The following GALNT13 variants were observed in gnomAD, a reference collection of about 807,000 sequenced individuals.
GALNT13 encodes the protein polypeptide N-acetylgalactosaminyltransferase 13.
A neutral mutation model predicts 64.2 loss-of-function variants in GALNT13; 28 were observed. That is an observed-to-expected ratio of 0.44 (90% CI 0.32 to 0.60). The LOEUF is 0.60. Among genes scored for constraint, GALNT13 ranks in the 20% least tolerant of loss-of-function variants. The pLI is 0.05. For synonymous variants in GALNT13, 214 were observed against 224.6 expected, an observed-to-expected ratio of 0.95 and a Z score of 0.42; for missense variants, 577 against 669.8, an observed-to-expected ratio of 0.86 and a Z score of 1.53.
the GALNT13 span, among the ~76,000 whole-genome samples, chr2:153,625,382 G>T: frequency 6.6e-6 from 1 of 152,122 alleles, no homozygotes; most frequent in South Asian, 2.1e-4. Context: ...ACTTCTTTGA[G>T]AAATTTATGT....
At chr2:153,501,074 A>AT in the GALNT13 span, among the ~76,000 whole-genome samples, 279 of 138,322 alleles carry the variant, frequency 2.0e-3, no homozygotes, top group Admixed American at 6.7e-3. Context: ...TAAAAAAAAA[A>AT]AATATATAAA....
intron 4 of GALNT13, among the ~76,000 whole-genome samples, chr2:154,144,439 G>C (rs1238502064): frequency 1.3e-5 from 2 of 152,150 alleles, no homozygotes; most frequent in Non-Finnish European, 2.9e-5. Context: ...CATTAAGCTA[G>C]CACAAGTGAT....
the GALNT13 span, among the ~76,000 whole-genome samples, chr2:153,091,815 A>G: frequency 6.6e-6 from 1 of 152,092 alleles, no homozygotes; most frequent in African/African-American, 2.4e-5. Flanking sequence ...TGTTGATTGT[A>G]TCTTTTGCTG....
chr2:153,162,922 A>T, the GALNT13 span, among the ~76,000 whole-genome samples: 14 of 152,314 alleles, frequency 9.2e-5, no homozygotes, highest in East Asian at 2.5e-3. Flanking sequence ...AGAGCCAATG[A>T]ATCAATTACA....
chr2:153,744,315 T>C, the GALNT13 span, among the ~76,000 whole-genome samples: 12 of 152,138 alleles, frequency 7.9e-5, no homozygotes, highest in African/African-American at 2.9e-4. Context: ...AGGGTTCCCT[T>C]TTCTCCACTC....
chr2:153,645,703 C>T, the GALNT13 span, among the ~76,000 whole-genome samples: 1 of 151,996 alleles, frequency 6.6e-6, no homozygotes. Context: ...AGAAAAAAAG[C>T]ATTTTTTATG....
intron 4 of GALNT13, among the ~76,000 whole-genome samples, chr2:154,233,037 C>CAAAAAAAAAAAAA (rs375484057): frequency 3.4e-5 from 2 of 59,054 alleles, no homozygotes; most frequent in Non-Finnish European, 7.1e-5. Context: ...GACCCTGTCT[C>CAAAAAAAAAAAAA]AAAAAAAAAA....
At chr2:153,691,307 C>A in the GALNT13 span, among the ~76,000 whole-genome samples, 1 of 151,948 alleles carries the variant, frequency 6.6e-6, no homozygotes, top group African/African-American at 2.4e-5. Flanking sequence ...TTACCTTTGC[C>A]GGAGAGAGAG....
At chr2:154,036,634 G>A (rs956040756) in intron 3 of GALNT13, among the ~76,000 whole-genome samples, 2 of 151,934 alleles carry the variant, frequency 1.3e-5, no homozygotes, top group Non-Finnish European at 2.9e-5. Context: ...TTTTTTACAC[G>A]TTATTTTTTA....
chr2:154,343,047 G>A (rs1695862786), intron 9 of GALNT13, among the ~76,000 whole-genome samples: 1 of 151,856 alleles, frequency 6.6e-6, no homozygotes, highest in Non-Finnish European at 1.5e-5. Flanking sequence ...GATCAGAGAG[G>A]TCAAAACATT....
the GALNT13 span, among the ~76,000 whole-genome samples, chr2:153,341,644 G>C: frequency 2.0e-5 from 3 of 152,144 alleles, no homozygotes; most frequent in Non-Finnish European, 2.9e-5. Context: ...GAATACCTGG[G>C]TTTTGTCAGC....
chr2:154,083,714 TG>T (rs1425260375), intron 3 of GALNT13, among the ~76,000 whole-genome samples: 1 of 151,838 alleles, frequency 6.6e-6, no homozygotes, highest in East Asian at 1.9e-4. Flanking sequence ...AATTAAGTGA[TG>T]TCTTTGTGTC....
chr2:154,135,907 G>T (rs936710217), intron 3 of GALNT13, among the ~76,000 whole-genome samples: 1 of 152,196 alleles, frequency 6.6e-6, no homozygotes, highest in Admixed American at 6.5e-5. Flanking sequence ...AAAAGAGCAT[G>T]ATCTGGGTAA....
At chr2:153,827,530 G>A in the GALNT13 span, among the ~76,000 whole-genome samples, 16 of 151,848 alleles carry the variant, frequency 1.1e-4, no homozygotes, top group East Asian at 5.8e-4. Context: ...GAGGCTGAGC[G>A]GGGGAGAATG....
the GALNT13 span, among the ~76,000 whole-genome samples, chr2:153,390,061 CA>C: frequency 6.6e-6 from 1 of 152,028 alleles, no homozygotes. Flanking sequence ...GGAACCAACC[CA>C]AATATCCATC....
chr2:153,814,206 C>T, the GALNT13 span, among the ~76,000 whole-genome samples: 1 of 151,932 alleles, frequency 6.6e-6, no homozygotes, highest in East Asian at 1.9e-4. Context: ...TTTAGGAAGC[C>T]GAGGTGGGCG....
At chr2:153,675,024 A>G in the GALNT13 span, among the ~76,000 whole-genome samples, 36 of 152,360 alleles carry the variant, frequency 2.4e-4, 1 homozygote, top group South Asian at 7.5e-3. Context: ...TAGAATGGTG[A>G]TCATTAAAAA....
chr2:153,266,775 A>T, the GALNT13 span, among the ~76,000 whole-genome samples: 1 of 152,218 alleles, frequency 6.6e-6, no homozygotes, highest in Non-Finnish European at 1.5e-5. Context: ...ACACAGAGCC[A>T]AAGCATATCA....
the GALNT13 span, among the ~76,000 whole-genome samples, chr2:153,856,248 T>TGATA: frequency 0.99 from 151,386 of 152,204 alleles, 75,289 homozygotes; most frequent in East Asian, 1. Flanking sequence ...AATAAAGCTG[T>TGATA]GATAGGTAGC....
Sources: allele counts gnomAD v4.1 joint callset (sites outside exome capture counted in the v4.1 genomes callset), GRCh38; gene constraint gnomAD v4.1.1; transcripts MANE v1.5; gene names NCBI Gene and HGNC (gene_info 2026-07-23, HGNC 2026-07-21).